The following ZNF469 variants were observed in gnomAD, a reference collection of about 807,000 sequenced individuals.
ZNF469 encodes the protein zinc finger protein 469.
Under a neutral mutation model 1.0 loss-of-function variants are expected in ZNF469, and 1 was observed. The observed-to-expected ratio is 1.00, with a 90% CI of 0.35 to 4.73. The LOEUF is 4.73. Among genes scored for constraint, ZNF469 ranks in the 30% most tolerant of loss-of-function variants. The pLI is 0.16. For synonymous variants in ZNF469, 2,703 were observed against 2,363.4 expected (o/e 1.14, Z -4.17); for missense variants, 6,100 against 5,356.3 (o/e 1.14, Z -4.33).
the ZNF469 span, among the ~76,000 whole-genome samples, chr16:88,115,628 A>G: frequency 4.9e-4 from 4 of 8,092 alleles, no homozygotes; most frequent in Non-Finnish European, 1.1e-3. Flanking sequence ...TCTGGAGACC[A>G]GAAGGGAAAT....
At chr16:88,236,853 CA>C in the ZNF469 span, among the ~76,000 whole-genome samples, 39,008 of 139,508 alleles carry the variant, frequency 0.28, 5,023 homozygotes, top group Middle Eastern at 0.36. Flanking sequence ...GACTCTGTCT[CA>C]AAAAAAAAAA....
chr16:88,150,642 A>T, the ZNF469 span, among the ~76,000 whole-genome samples: 1 of 151,574 alleles, frequency 6.6e-6, no homozygotes, highest in Non-Finnish European at 1.5e-5. Context: ...CTTTGGACCC[A>T]CGGTGAAAAT....
chr16:88,151,943 C>T, the ZNF469 span, among the ~76,000 whole-genome samples: 3 of 152,176 alleles, frequency 2.0e-5, no homozygotes, highest in African/African-American at 7.2e-5. The surrounding 1 kb of genome is among the most constrained non-coding windows in gnomAD (Gnocchi z 5.4). Context: ...TAAATAAATA[C>T]TTGTGTAAAA....
the ZNF469 span, among the ~76,000 whole-genome samples, chr16:88,153,016 G>A: frequency 2.0e-5 from 3 of 152,174 alleles, no homozygotes; most frequent in Non-Finnish European, 2.9e-5. Context: ...CTGCTGCTGT[G>A]GTGACGTTCT....
At chr16:88,285,657 C>T in the ZNF469 span, among the ~76,000 whole-genome samples, 993 of 152,392 alleles carry the variant, frequency 6.5e-3, 7 homozygotes, top group African/African-American at 0.022. Flanking sequence ...CTGGAAGCGT[C>T]GGCACGGTGG....
At chr16:88,327,772 C>T in the ZNF469 span, among the ~76,000 whole-genome samples, 10 of 152,186 alleles carry the variant, frequency 6.6e-5, no homozygotes, top group African/African-American at 2.4e-4. Context: ...AGGTGTCATC[C>T]GGAAGGAGCT....
At chr16:88,235,949 G>T in the ZNF469 span, among the ~76,000 whole-genome samples, 1 of 152,212 alleles carries the variant, frequency 6.6e-6, no homozygotes, top group African/African-American at 2.4e-5. Flanking sequence ...GTGAGGAGGG[G>T]CTTCCTGGTC....
chr16:88,328,032 C>G, the ZNF469 span, among the ~76,000 whole-genome samples: 7 of 152,232 alleles, frequency 4.6e-5, no homozygotes, highest in African/African-American at 1.7e-4. Flanking sequence ...GCAGCAGCTC[C>G]CGGCACACAC....
At chr16:88,359,198 G>T in the ZNF469 span, among the ~76,000 whole-genome samples, 1 of 151,222 alleles carries the variant, frequency 6.6e-6, no homozygotes, top group African/African-American at 2.4e-5. Context: ...AGAGAGTCCC[G>T]GGGGCTCGGT....
chr16:88,152,888 T>C, the ZNF469 span, among the ~76,000 whole-genome samples: 1 of 152,140 alleles, frequency 6.6e-6, no homozygotes, highest in African/African-American at 2.4e-5. The surrounding 1 kb of genome is among the most constrained non-coding windows in gnomAD (Gnocchi z 4.2). Context: ...ATTAATGGTT[T>C]TGGAGCCGGG....
the ZNF469 span, among the ~76,000 whole-genome samples, chr16:88,273,804 AT>A: frequency 0.12 from 16,366 of 135,076 alleles, 1,005 homozygotes; most frequent in Non-Finnish European, 0.16. Flanking sequence ...ACTGTGGAAT[AT>A]TTTTTTTTTT....
the ZNF469 span, among the ~76,000 whole-genome samples, chr16:88,150,527 T>G: frequency 2.6e-5 from 4 of 152,176 alleles, no homozygotes; most frequent in African/African-American, 9.7e-5. Context: ...GGGTTGCTGA[T>G]GGCAAATAGC....
the ZNF469 span, among the ~76,000 whole-genome samples, chr16:88,281,048 T>C: frequency 6.6e-6 from 1 of 151,320 alleles, no homozygotes; most frequent in Non-Finnish European, 1.5e-5. Context: ...GCTTGGTCAG[T>C]ACTGTGCCGA....
the ZNF469 span, among the ~76,000 whole-genome samples, chr16:88,153,853 G>A: frequency 1.3e-5 from 2 of 152,286 alleles, no homozygotes; most frequent in Admixed American, 6.5e-5. Flanking sequence ...GAGAGAGAAG[G>A]GGAGACAGAA....
chr16:88,276,787 C>T, the ZNF469 span, among the ~76,000 whole-genome samples: 30 of 152,136 alleles, frequency 2.0e-4, no homozygotes, highest in Admixed American at 4.6e-4. Flanking sequence ...GACACTAGGT[C>T]AGTACCAGGT....
the ZNF469 span, among the ~76,000 whole-genome samples, chr16:88,125,762 T>G: frequency 3.3e-5 from 5 of 151,976 alleles, no homozygotes; most frequent in African/African-American, 9.7e-5. Context: ...AAATGATATT[T>G]TATTTTTTTG....
the ZNF469 span, among the ~76,000 whole-genome samples, chr16:88,250,234 C>T: frequency 9.7e-3 from 1,482 of 152,254 alleles, 23 homozygotes; most frequent in African/African-American, 0.034. Flanking sequence ...CACTAAAGGG[C>T]GCTGCCATTT....
the ZNF469 span, among the ~76,000 whole-genome samples, chr16:88,145,344 C>T: frequency 2.0e-5 from 3 of 152,186 alleles, no homozygotes; most frequent in Non-Finnish European, 4.4e-5. Context: ...ACCACGGCCC[C>T]TCGTGCTATC....
Position 88,436,422 on chromosome 16 carries a change from G to A in ZNF469, c.8952G>A (p.Pro2984=), listed in dbSNP as rs1018297318. The stretch of plus-strand genomic sequence containing the variant: ...CCCACTGCCCCGAGGACGATCGGCC[G>A]GAGGCCATTCCTGAGCTGCACATGG... The part of the protein sequence containing the change: ...LPSHCPEDDR[P]EAIPELHMVP... The change falls in exon 3 of 3, where the codon CCG becomes CCA. Residue 2984 remains proline, a synonymous_variant. Coordinates refer to ENST00000565624, the MANE Select transcript of ZNF469 (RefSeq NM_001367624.2). 238 of 1,548,874 alleles carry A rather than the reference G, an allele frequency of 1.5e-4. No individual in the cohort carries two copies. Among genetic ancestry groups the A allele is most frequent in the Middle Eastern group, 6.7e-4 (4 of 5,986 alleles).
Sources: allele counts gnomAD v4.1 joint callset (sites outside exome capture counted in the v4.1 genomes callset), GRCh38; gene constraint gnomAD v4.1.1; non-coding constraint Gnocchi (gnomAD v3.1); transcripts MANE v1.5; gene names NCBI Gene and HGNC (gene_info 2026-07-23, HGNC 2026-07-21).